ULK4: variants seen among roughly 807,000 people sequenced by gnomAD.
ULK4 encodes the protein inactive serine/threonine-protein kinase ULK4.
ULK4 carries 133 observed loss-of-function variants against 160.6 expected under a neutral mutation model. The ratio of observed to expected loss-of-function variants is 0.83; its 90% CI spans 0.72 to 0.96. The LOEUF is 0.96. ULK4 is among the 40% of genes least tolerant of loss of function. ULK4 has a pLI of 0.00. For missense variants in ULK4, 1,580 were observed against 1,499.5 expected, an observed-to-expected ratio of 1.05 and a Z score of -0.89; for synonymous variants, 534 against 539.8, an observed-to-expected ratio of 0.99 and a Z score of 0.15.
chr3:41,405,409 GC>G (rs1414755042), intron 34 of ULK4, among the ~76,000 whole-genome samples: 1 of 152,160 alleles, frequency 6.6e-6, no homozygotes, highest in African/African-American at 2.4e-5. Flanking sequence ...CCATGTCTCT[GC>G]TATTGTGAAT....
At chr3:41,512,557 T>C (rs555567797) in intron 32 of ULK4, among the ~76,000 whole-genome samples, 2 of 152,184 alleles carry the variant, frequency 1.3e-5, no homozygotes, top group East Asian at 1.9e-4. Flanking sequence ...CTTCAGAATA[T>C]ACCTAACCAA....
At chr3:41,937,391 C>A in intron 3 of ULK4, 1 of 668,932 alleles carries the variant, frequency 1.5e-6, no homozygotes, top group Non-Finnish European at 2.7e-6. Context: ...CAAATTACTT[C>A]TTTAAGTTTT....
chr3:41,853,513 G>A (rs1349638725), intron 17 of ULK4, among the ~76,000 whole-genome samples: 2 of 152,104 alleles, frequency 1.3e-5, no homozygotes, highest in African/African-American at 4.8e-5. Flanking sequence ...GCTAGGCAAG[G>A]GTTAGATCAC....
At chr3:41,917,912 G>A (rs764528023) in intron 7 of ULK4, among the ~76,000 whole-genome samples, 15 of 152,058 alleles carry the variant, frequency 9.9e-5, no homozygotes, top group African/African-American at 1.7e-4. Context: ...GCTTGAACCC[G>A]GGAGGCGGAG....
chr3:41,266,983 CAA>C (rs778372232), intron 35 of ULK4, among the ~76,000 whole-genome samples: 33 of 124,754 alleles, frequency 2.6e-4, no homozygotes, highest in Non-Finnish European at 4.5e-4. Flanking sequence ...CCTCATGTGG[CAA>C]GTGTGTGTGT....
chr3:41,372,958 A>T (rs1350549665), intron 35 of ULK4, among the ~76,000 whole-genome samples: 3 of 152,218 alleles, frequency 2.0e-5, no homozygotes, highest in African/African-American at 7.2e-5. Context: ...TAGCAAGCAA[A>T]TAGAGAGCAA....
rs1553664758 is a variant in ULK4, at chr3:41,431,547, C to CTTTTTTTTTTTTTTTT, written c.3492+23949_3492+23950insAAAAAAAAAAAAAAAA. Among the ~76,000 whole-genome samples, 89 of 95,674 alleles carry CTTTTTTTTTTTTTTTT rather than the reference C, an allele frequency of 9.3e-4. 2 individuals carry two copies. The highest frequency in any genetic ancestry group is 1.9e-3 in the South Asian group (5 of 2,642). The allele number at this position is 95,674 out of a possible 152,430, so 62.8% of individuals were successfully genotyped here. A position where few individuals can be genotyped will look rare whatever the true frequency, so the allele number is the denominator to read the frequency against. The stretch of plus-strand genomic sequence containing the variant: ...CCTGTGAGGTGTTGTAATTCCCTCC[C>CTTTTTTTTTTTTTTTT]TTTTTTTTTTTTTTTGATGTGGAAA... On this transcript the variant is annotated intron_variant, in intron 34 of 36. Coordinates refer to ENST00000301831, the MANE Select transcript of ULK4 (RefSeq NM_017886.4).
intron 22 of ULK4, among the ~76,000 whole-genome samples, chr3:41,746,784 T>C (rs568689953): frequency 3.0e-4 from 46 of 152,056 alleles, no homozygotes; most frequent in African/African-American, 1.1e-3. Flanking sequence ...CAATGTTGTA[T>C]TGATAAAGGG....
At chr3:41,944,265 A>G (rs957930269) in intron 2 of ULK4, among the ~76,000 whole-genome samples, 9 of 152,242 alleles carry the variant, frequency 5.9e-5, no homozygotes, top group Non-Finnish European at 1.2e-4. Context: ...TGGTAGAATC[A>G]GTTTGCAAGT....
At chr3:41,549,687 G>T (rs1047054046) in intron 32 of ULK4, among the ~76,000 whole-genome samples, 1 of 151,982 alleles carries the variant, frequency 6.6e-6, no homozygotes, top group Non-Finnish European at 1.5e-5. Flanking sequence ...GAAATAGGAA[G>T]CTCAAATATT....
At chr3:41,604,900 A>G (rs995700212) in intron 31 of ULK4, among the ~76,000 whole-genome samples, 2 of 152,118 alleles carry the variant, frequency 1.3e-5, no homozygotes, top group African/African-American at 2.4e-5. Context: ...GATGTATCCA[A>G]CATGTACTTC....
At chr3:41,939,052 G>A (rs1699870290) in intron 2 of ULK4, among the ~76,000 whole-genome samples, 1 of 152,092 alleles carries the variant, frequency 6.6e-6, no homozygotes, top group African/African-American at 2.4e-5. Context: ...AGAGGAACGA[G>A]TGTTATGTTA....
At chr3:41,337,195 A>C (rs1455206410) in intron 35 of ULK4, among the ~76,000 whole-genome samples, 1 of 152,198 alleles carries the variant, frequency 6.6e-6, no homozygotes, top group African/African-American at 2.4e-5. Flanking sequence ...TTTTATATTG[A>C]ATTTTATATT....
chr3:41,738,224 C>T (rs2038121911), intron 22 of ULK4, among the ~76,000 whole-genome samples: 1 of 151,816 alleles, frequency 6.6e-6, no homozygotes, highest in Non-Finnish European at 1.5e-5. Flanking sequence ...GCAGATCATC[C>T]AAAATGTAAA....
rs1377832124 is a variant in ULK4, at chr3:41,911,640, A to G, written c.916T>C (p.Ser306Pro). 6.2e-7 allele frequency: 1 copy of G among 1,613,542 alleles called. No individual in the cohort carries two copies. The highest frequency in any genetic ancestry group is 8.5e-7 in the Non-Finnish European group (1 of 1,179,946). Residue 306 changes from serine (S) to proline (P), a missense_variant, in exon 10 of 37, where the codon TCT (serine) becomes CCT (proline). Coordinates refer to ENST00000301831, the MANE Select transcript of ULK4 (RefSeq NM_017886.4). ...LSLSRNTMEC[S>P]GPQDSKELLQ... The stretch of plus-strand genomic sequence containing the variant: ...AGCTCCTTGGAATCTTGTGGCCCAG[A>G]ACACTCCATAGTGTTTCTGCTATTA...
intron 22 of ULK4, among the ~76,000 whole-genome samples, chr3:41,753,005 C>A (rs2038681693): frequency 6.6e-6 from 1 of 152,118 alleles, no homozygotes; most frequent in Non-Finnish European, 1.5e-5. Flanking sequence ...TCAAGCCCAG[C>A]AGTTCAAGAC....
chr3:41,385,340 T>C lies in ULK4; in HGVS notation c.3678+12739A>G, dbSNP rs79276839. ...AACAGAAACTTGAAAGAGCAGAAGA[T>C]GCTGTAGAGAGAGTAGGGAACAAAT... On this transcript the variant is annotated intron_variant, in intron 35 of 36. Transcript: ENST00000301831. 6.7e-3 allele frequency among the ~76,000 whole-genome samples: 1,021 copies of C among 152,218 alleles called. 4 individuals are homozygous for C. Among genetic ancestry groups the C allele is most frequent in the East Asian group, 0.015 (78 of 5,176 alleles).
At chr3:41,947,260 G>A (rs900613143) in intron 2 of ULK4, among the ~76,000 whole-genome samples, 8 of 152,170 alleles carry the variant, frequency 5.3e-5, no homozygotes, top group African/African-American at 1.7e-4. Context: ...GCGGTGAGCC[G>A]AGACTGTGCC....
At chr3:41,716,188 G>T (rs957696032) in intron 23 of ULK4, among the ~76,000 whole-genome samples, 1 of 147,546 alleles carries the variant, frequency 6.8e-6, no homozygotes, top group Non-Finnish European at 1.5e-5. Context: ...ACTCCAGCCT[G>T]GGCGACAGAG....
Sources: allele counts gnomAD v4.1 joint callset (sites outside exome capture counted in the v4.1 genomes callset), GRCh38; gene constraint gnomAD v4.1.1; transcripts MANE v1.5; gene names NCBI Gene and HGNC (gene_info 2026-07-23, HGNC 2026-07-21).